The following TONSL variants were observed in gnomAD, a reference collection of about 807,000 sequenced individuals.
TONSL encodes tonsoku like, DNA repair protein, also known as tonsoku-like protein.
TONSL carries 112 observed loss-of-function variants against 147.1 expected under a neutral mutation model. The observed-to-expected ratio is 0.76, with a 90% CI of 0.65 to 0.89. TONSL has a LOEUF of 0.89. Ranked by LOEUF, TONSL falls within the 40% of genes least tolerant of loss-of-function variation. TONSL has a pLI of 0.00. For synonymous variants in TONSL, 868 were observed against 801.5 expected (o/e 1.08, Z -1.40); for missense variants, 1,883 against 1,864.6 (o/e 1.01, Z -0.18).
intron 9 of TONSL, 41 bp downstream of exon 9, chr8:144,440,677 C>G (rs1159339990): frequency 4.4e-6 from 7 of 1,593,416 alleles, no homozygotes; most frequent in Non-Finnish European, 6.0e-6. Flanking sequence ...GAGGCAGAGA[C>G]ATGGGTGAAC....
chr8:144,439,386 T>A (rs1251436526), intron 11 of TONSL, among the ~76,000 whole-genome samples: 2 of 151,964 alleles, frequency 1.3e-5, no homozygotes, highest in African/African-American at 2.4e-5. Context: ...AGGCCCCAAC[T>A]TCCCACAGCT....
intron 22 of TONSL, 163 bp from the exon 23 acceptor site, chr8:144,432,623 C>T (rs781827625): frequency 1.2e-5 from 8 of 685,578 alleles, no homozygotes; most frequent in African/African-American, 3.8e-5. Context: ...CCAGATTCTC[C>T]CAGCTGGGAG....
In TONSL at chr8:144,434,963, CCCGGGGGCT is replaced by C. The variant is rs1253763792; in HGVS notation, c.3006+45_3006+53del. The stretch of plus-strand genomic sequence containing the variant: ...ATCATTGCTCTGCAGCCATGAGCCA[CCCGGGGGCT>C]CCCGGTGCCTGAGGCCCTGGCTCCC... On this transcript the variant is annotated intron_variant, in intron 19 of 25. Transcript: ENST00000409379. 1.9e-6 allele frequency: 3 copies of C among 1,610,872 alleles called. No homozygotes were observed. The African/African-American group carries it at 4.0e-5, about 22-fold the overall frequency.
rs1823766758 is a variant in TONSL at position 144,442,718 on chromosome 8, G to T, written c.537C>A (p.Ala179=). The T allele has an allele frequency of 6.2e-7, 1 of 1,612,922 alleles. No homozygotes were observed. The highest frequency in any genetic ancestry group is 8.5e-7 in the Non-Finnish European group (1 of 1,179,966). ...TCTTCCTGAAGTAATCGTTGCACAGGGCTGTCTGCTGCAGGCTCTCAAAGG... is the reference window on the plus strand; with the variant it reads ...TCTTCCTGAAGTAATCGTTGCACAGTGCTGTCTGCTGCAGGCTCTCAAAGG... ...GLTFESLQQT[A]LCNDYFRKSI... The change falls in exon 5 of 26, where the codon GCC becomes GCA. Residue 179 remains alanine, a synonymous_variant. Transcript: ENST00000409379.
rs927234194 is a variant in TONSL at position 144,443,475 on chromosome 8, G to A, written c.265-154C>T. On this transcript the variant is annotated intron_variant, in intron 3 of 25. Coordinates refer to ENST00000409379, the MANE Select transcript of TONSL (RefSeq NM_013432.5). ...AAGGCCAGACACGTGCCCCTCCTCT[G>A]CATGCCAAGGGCTCTCTGTGGTGAC... The A allele has an allele frequency of 1.6e-5, 11 of 704,734 alleles. No individual in the cohort carries two copies. In the East Asian group the frequency reaches 3.0e-4, roughly 19 times the overall value. The allele number at this position is 704,734 out of a possible 1,614,324, so 43.7% of individuals were successfully genotyped here.
chr8:144,442,879 G>T, intron 4 of TONSL, 73 bp from the exon 5 acceptor site: 1 of 1,535,040 alleles, frequency 6.5e-7, no homozygotes, highest in Non-Finnish European at 8.8e-7. Flanking sequence ...CCCCATTTGG[G>T]GCCTGTGCAG....
intron 25 of TONSL, among the ~76,000 whole-genome samples, 174 bp downstream of exon 25, chr8:144,430,230 T>C (rs879960669): frequency 6.6e-6 from 1 of 152,148 alleles, no homozygotes; most frequent in Non-Finnish European, 1.5e-5. Context: ...GGAGCTGGGA[T>C]CATGCCCCTT....
chr8:144,442,949 G>A, intron 4 of TONSL, 143 bp from the exon 5 acceptor site: 3 of 1,273,258 alleles, frequency 2.4e-6, no homozygotes, highest in Non-Finnish European at 3.2e-6. Context: ...GGCAGATGGA[G>A]CACAGAGTGG....
intron 18 of TONSL, 23 bp downstream of exon 18, chr8:144,435,451 G>T: frequency 1.3e-6 from 2 of 1,528,972 alleles, no homozygotes; most frequent in Non-Finnish European, 8.8e-7. Context: ...GTGGGCTGCG[G>T]GGTAGGGCAG....
chr8:144,435,605 C>A, intron 17 of TONSL, 53 bp downstream of exon 17: 5 of 1,572,276 alleles, frequency 3.2e-6, no homozygotes, highest in Non-Finnish European at 4.3e-6. Flanking sequence ...CTCCACCCTA[C>A]ACCTGCCTGC....
intron 1 of TONSL, 55 bp from the exon 2 acceptor site, chr8:144,444,330 G>T (rs1288415531): frequency 3.0e-6 from 4 of 1,326,708 alleles, no homozygotes; most frequent in African/African-American, 1.5e-5. Context: ...GGCCGGGGCC[G>T]AGTCCCAAGC....
At chr8:144,437,626 C>T (rs1296313381) in intron 13 of TONSL, 1 of 156,744 alleles carries the variant, frequency 6.4e-6, no homozygotes, top group African/African-American at 2.4e-5. Flanking sequence ...TTTTTTGAGA[C>T]AGAGTCTCGC....
chr8:144,430,576 A>T, intron 24 of TONSL, 39 bp from the exon 25 acceptor site: 1 of 1,577,358 alleles, frequency 6.3e-7, no homozygotes, highest in African/African-American at 1.4e-5. Flanking sequence ...GTTGGCTTCC[A>T]GAGAGGCTGT....
At position 144,442,792 on chromosome 8, in the gene TONSL, C is replaced by T. The variant is rs777747001; in HGVS notation, c.463G>A (p.Gly155Arg). Residue 155 changes from glycine to arginine, a missense_variant, in exon 5 of 26, where the codon GGA becomes AGA. Gly to Arg is a moderately radical substitution (Grantham distance 125). Coordinates refer to ENST00000409379, the MANE Select transcript of TONSL (RefSeq NM_013432.5). ...CGGGTCCTCATCTCATTCAGCTCTC[C>T]CTGGGCCAGTGTCCCTGGAAGATAC... ...DEELEGTLAQ[G>R]ELNEMRTRLY... 14 of 1,612,040 alleles carry T rather than the reference C, an allele frequency of 8.7e-6. No homozygotes were observed. The highest frequency in any genetic ancestry group is 5.0e-5 in the Admixed American group (3 of 59,904).
chr8:144,440,839 C>G lies in TONSL; in HGVS notation c.1043G>C (p.Gly348Ala), dbSNP rs1243048001. 6.2e-7 allele frequency: 1 copy of G among 1,612,752 alleles called. No individual in the cohort carries two copies. The highest frequency in any genetic ancestry group is 8.5e-7 in the Non-Finnish European group (1 of 1,179,956). Reference protein sequence around the residue: ...LRFAELLDRPGAERAIIHVSL... With the variant: ...LRFAELLDRPAAERAIIHVSL... Reference sequence around the variant, plus strand: ...CACGTGGATGATGGCCCGCTCAGCACCCGGTCTGTCCAGCAGCTCAGCAAA... The same window carrying G: ...CACGTGGATGATGGCCCGCTCAGCAGCCGGTCTGTCCAGCAGCTCAGCAAA... The change falls in exon 9 of 26, where the codon GGT (glycine) becomes GCT (alanine). Residue 348 changes from glycine (G) to alanine (A), a missense_variant. By Grantham distance (60) the Gly-to-Ala change is moderately conservative. Coordinates refer to ENST00000409379, the MANE Select transcript of TONSL (RefSeq NM_013432.5).
At chr8:144,438,915 C>A in intron 11 of TONSL, 180 bp from the exon 12 acceptor site, 1 of 648,518 alleles carries the variant, frequency 1.5e-6, no homozygotes, top group Non-Finnish European at 2.7e-6. Flanking sequence ...GCCTCCATGT[C>A]TCCCTGACCC....
Position 144,434,859 on chromosome 8 carries a change from G to A in TONSL, c.3037C>T (p.Pro1013Ser), listed in dbSNP as rs1166303949. ...CTGCGGTAGCGGTCAGTCAACGGGG[G>A]CAGGTCCCACGAAGTCACCTCAGCC... is the stretch of plus-strand genomic sequence containing the variant. Reference protein sequence around the residue: ...VLAEVTSWDLPPLTDRYRRAC... With the variant: ...VLAEVTSWDLSPLTDRYRRAC... The change falls in exon 20 of 26, where the codon CCC becomes TCC. Residue 1013 changes from proline (P) to serine (S), a missense_variant. Pro to Ser is a moderately conservative substitution (Grantham distance 74, BLOSUM62 -1). Transcript: ENST00000409379. 1.9e-6 allele frequency: 3 copies of A among 1,613,338 alleles called. No individual in the cohort carries two copies. The highest frequency in any genetic ancestry group is 2.5e-6 in the Non-Finnish European group (3 of 1,179,960).
chr8:144,442,971 A>G, intron 4 of TONSL, 165 bp from the exon 5 acceptor site: 1 of 1,229,532 alleles, frequency 8.1e-7, no homozygotes, highest in Non-Finnish European at 1.1e-6. Flanking sequence ...TAAAGAGCTG[A>G]CGATCTCCAG....
chr8:144,435,955 C>A lies in TONSL; in HGVS notation c.2478G>T (p.Pro826=). ...AGTCCCCGGCCAGGCACTCCTCCTCCGGGATGAGCGCTGCCTGGGGGGCAA... is the reference window on the plus strand; with the variant it reads ...AGTCCCCGGCCAGGCACTCCTCCTCAGGGATGAGCGCTGCCTGGGGGGCAA... ...KALAPQAALI[P]EEECLAGDWL... is the part of the protein sequence containing the mutation. Residue 826 remains proline (P), a synonymous_variant, in exon 17 of 26, where the codon CCG becomes CCT. Transcript: ENST00000409379. 6.4e-7 allele frequency: 1 copy of A among 1,561,226 alleles called. No homozygotes were observed. Among genetic ancestry groups the A allele is most frequent in the Non-Finnish European group, 8.7e-7 (1 of 1,152,922 alleles).
Sources: gnomAD v4.1 joint callset for allele counts (sites outside exome capture counted in the v4.1 genomes callset) on GRCh38, gnomAD v4.1.1 for gene constraint, MANE v1.5 for transcripts, NCBI Gene and HGNC (gene_info 2026-07-23, HGNC 2026-07-21) for gene names.